The following IPO5 variants were observed in gnomAD, a reference collection of about 807,000 sequenced individuals.
IPO5 encodes the protein importin-5.
Under a neutral mutation model 143.3 loss-of-function variants are expected in IPO5, and 18 were observed. The ratio of observed to expected loss-of-function variants is 0.13; its 90% CI spans 0.09 to 0.19. The LOEUF (loss-of-function observed/expected upper bound fraction) is 0.19, where lower values mean the gene tolerates loss of function less well. Ranked by LOEUF, IPO5 falls within the 10% of genes least tolerant of loss-of-function variation. The probability of loss-of-function intolerance (pLI) is 1.00; values close to 1 mark genes in which losing one functional copy is unlikely to be tolerated. For missense variants in IPO5, 1,013 were observed against 1,336.9 expected (o/e 0.76, Z 3.78); for synonymous variants, 477 against 465.7 (o/e 1.02, Z -0.31).
chr13:97,959,690 C>A (rs948676991), intron 2 of IPO5, among the ~76,000 whole-genome samples: 1 of 152,104 alleles, frequency 6.6e-6, no homozygotes, highest in South Asian at 2.1e-4. Flanking sequence ...GCCTAGATAG[C>A]GCCACTGCAC....
At chr13:97,954,056 A>G in intron 1 of IPO5, 63 bp from the exon 2 acceptor site, 1 of 350,744 alleles carries the variant, frequency 2.9e-6, no homozygotes, top group Non-Finnish European at 5.8e-6. Flanking sequence ...AATGTGGGTT[A>G]TTATCCTAAA....
At position 97,982,536 on chromosome 13, in the gene IPO5, A is replaced by T; in HGVS notation, c.124A>T (p.Ile42Phe). The T allele has an allele frequency of 3.1e-6, 5 of 1,613,148 alleles. No individual in the cohort carries two copies. Among genetic ancestry groups the T allele is most frequent in the Non-Finnish European group, 4.2e-6 (5 of 1,179,338 alleles). Residue 42 changes from isoleucine to phenylalanine, a missense_variant, in exon 5 of 29, where the codon ATC becomes TTC. Transcript: ENST00000651721. ...TYENIPGQSK[I>F]TFLLQAIRNT... ...TGAGAATATCCCAGGCCAGTCAAAG[A>T]TCACATTCCTCTTACAAGCCATCAG... is the stretch of plus-strand genomic sequence containing the variant.
intron 3 of IPO5, among the ~76,000 whole-genome samples, chr13:97,976,307 C>CCCCGAT (rs1173318004): frequency 3.3e-5 from 5 of 151,678 alleles, no homozygotes; most frequent in East Asian, 3.9e-4. Context: ...CCGACCCCGA[C>CCCCGAT]CCCGATCCCA....
Position 97,990,182 on chromosome 13 carries a change from G to A in IPO5, c.524G>A (p.Arg175Gln). The stretch of plus-strand genomic sequence containing the variant: ...CAACACTATTTAGATGTCATCAAAC[G>A]AATGTTAGTTCAGTGTATGCAAGAT... ...QQQHYLDVIKRMLVQCMQDQE... is the reference protein window; with the variant it reads ...QQQHYLDVIKQMLVQCMQDQE... Residue 175 changes from arginine to glutamine, a missense_variant, in exon 8 of 29, where the codon CGA becomes CAA. Arg to Gln is a conservative substitution (Grantham distance 43). This residue lies in a region of IPO5 where 328 missense variants were observed against 342.0 expected (regional missense o/e 0.96). Coordinates refer to ENST00000651721, the MANE Select transcript of IPO5 (RefSeq NM_002271.6). 1.2e-6 allele frequency: 2 copies of A among 1,613,174 alleles called. No homozygotes were observed. The highest frequency in any genetic ancestry group is 1.1e-5 in the South Asian group (1 of 91,012).
At chr13:97,995,560 C>A (rs1170734660) in intron 11 of IPO5, among the ~76,000 whole-genome samples, 2 of 151,820 alleles carry the variant, frequency 1.3e-5, no homozygotes. Context: ...TCAAGACCAT[C>A]CTGGCTAACA....
intron 16 of IPO5, among the ~76,000 whole-genome samples, chr13:98,003,513 T>A (rs1326941299): frequency 6.6e-6 from 1 of 152,138 alleles, no homozygotes; most frequent in African/African-American, 2.4e-5. Context: ...AAAAGACATT[T>A]CATGGGAAGC....
At chr13:98,000,707 T>G in intron 13 of IPO5, 62 bp downstream of exon 13, 2 of 1,092,030 alleles carry the variant, frequency 1.8e-6, no homozygotes. Context: ...GCTTAAATTC[T>G]AAGATATGTT....
In IPO5 at chr13:97,990,333, A is replaced by G. The variant is rs183095964; in HGVS notation, c.565-100A>G. On this transcript the variant is annotated intron_variant, in intron 8 of 28. Transcript: ENST00000651721. Reference sequence around the variant, plus strand: ...TTTTATACTTTAAAATACAAACACCAGTTTTACTGATAAAGAATAATTTGA... The same window carrying G: ...TTTTATACTTTAAAATACAAACACCGGTTTTACTGATAAAGAATAATTTGA... 2.9e-4 allele frequency: 325 copies of G among 1,130,702 alleles called. 2 individuals are homozygous for G. The highest frequency in any genetic ancestry group is 2.3e-3 in the South Asian group (168 of 74,248). 70.0% of individuals were successfully genotyped at this position (1,130,702 alleles called of 1,614,324 possible). A position where few individuals can be genotyped will look rare whatever the true frequency, so the allele number is the denominator to read the frequency against.
intron 3 of IPO5, among the ~76,000 whole-genome samples, chr13:97,976,204 C>T (rs1432198667): frequency 6.6e-6 from 1 of 151,722 alleles, no homozygotes; most frequent in Admixed American, 6.5e-5. Context: ...GGCCTCAGGC[C>T]CCTTGCCGCG....
intron 2 of IPO5, among the ~76,000 whole-genome samples, chr13:97,960,829 G>A (rs1247395118): frequency 1.3e-5 from 2 of 152,182 alleles, no homozygotes; most frequent in African/African-American, 4.8e-5. Flanking sequence ...AAAGTGCTGG[G>A]ATTACAGGCA....
At chr13:97,997,427 G>T (rs999625680) in intron 11 of IPO5, 104 bp from the exon 12 acceptor site, 37 of 538,420 alleles carry the variant, frequency 6.9e-5, no homozygotes, top group Non-Finnish European at 1.1e-4. Context: ...GTTTTGTCTT[G>T]TTCTCTTACA....
At chr13:97,977,533 G>A (rs115902937) in intron 4 of IPO5, among the ~76,000 whole-genome samples, 372 of 152,276 alleles carry the variant, frequency 2.4e-3, no homozygotes, top group African/African-American at 8.7e-3. Flanking sequence ...TGGGACTTCC[G>A]TTGTTTAACT....
chr13:98,008,013 A>G (rs762679023), intron 17 of IPO5, 46 bp from the exon 18 acceptor site: 1 of 1,258,090 alleles, frequency 7.9e-7, no homozygotes, highest in Non-Finnish European at 1.2e-6. Flanking sequence ...TACACAAGAA[A>G]CAAAATTCGG....
intron 4 of IPO5, among the ~76,000 whole-genome samples, chr13:97,979,430 A>C (rs1384464511): frequency 1.3e-5 from 2 of 152,188 alleles, no homozygotes; most frequent in Non-Finnish European, 2.9e-5. Flanking sequence ...AAAAATCTGT[A>C]AGGATATTTC....
rs1487865590 is a variant in IPO5 at position 98,023,250 on chromosome 13, C to T, written c.*1428C>T. On this transcript the variant is annotated 3_prime_UTR_variant, in exon 29 of 29. Transcript: ENST00000651721. ...TAGCAAAGCAGCATATTAAATGACT[C>T]CACCTGCGCAGTCCTTGTGTTCAGT... The T allele has an allele frequency of 6.6e-6, 1 of 152,266 alleles. No homozygotes were observed. Among genetic ancestry groups the T allele is most frequent in the Non-Finnish European group, 1.5e-5 (1 of 68,040 alleles). The allele number at this position is 152,266 out of a possible 1,614,324, so 9.4% of individuals were successfully genotyped here.
chr13:97,967,274 C>T (rs1223812470), intron 2 of IPO5, among the ~76,000 whole-genome samples: 1 of 152,046 alleles, frequency 6.6e-6, no homozygotes, highest in Non-Finnish European at 1.5e-5. Context: ...GTATTTGAGT[C>T]TCCTCTTTTT....
intron 8 of IPO5, 25 bp downstream of exon 8, chr13:97,990,247 A>T: frequency 6.9e-7 from 1 of 1,458,308 alleles, no homozygotes. Context: ...TCCTATTAAT[A>T]TAACCATCTA....
At chr13:97,990,729 A>G (rs1887737272) in intron 9 of IPO5, among the ~76,000 whole-genome samples, 192 bp downstream of exon 9, 1 of 152,212 alleles carries the variant, frequency 6.6e-6, no homozygotes, top group Admixed American at 6.5e-5. Flanking sequence ...TTAGTCTCTT[A>G]CAATATTTAT....
In IPO5 at chr13:97,969,709, T is replaced by G; in HGVS notation, c.-112-14T>G. On this transcript the variant is annotated splice_polypyrimidine_tract_variant and intron_variant, in intron 2 of 28. Transcript: ENST00000651721. ...ACCATCTAATGGTCCACCATTCTGTTTCTGTCAAATCAGCAGAGGAAAGAA... is the reference window on the plus strand; with the variant it reads ...ACCATCTAATGGTCCACCATTCTGTGTCTGTCAAATCAGCAGAGGAAAGAA... The G allele has an allele frequency of 8.9e-7, 1 of 1,124,622 alleles. No homozygotes were observed. The highest frequency in any genetic ancestry group is 1.4e-6 in the Non-Finnish European group (1 of 735,692). The allele number at this position is 1,124,622 out of a possible 1,614,324, so 69.7% of individuals were successfully genotyped here. A position where few individuals can be genotyped will look rare whatever the true frequency, so the allele number is the denominator to read the frequency against.
Sources: allele counts gnomAD v4.1 joint callset (sites outside exome capture counted in the v4.1 genomes callset), GRCh38; gene constraint gnomAD v4.1.1; regional missense constraint gnomAD v4.1.1; transcripts MANE v1.5; gene names NCBI Gene and HGNC (gene_info 2026-07-23, HGNC 2026-07-21).